PAK3: variants seen among roughly 807,000 people sequenced by gnomAD.
PAK3 encodes p21 (RAC1) activated kinase 3.
Under a neutral mutation model 41.0 loss-of-function variants are expected in PAK3, and 4 were observed. That is an observed-to-expected ratio of 0.10 (90% confidence interval 0.05 to 0.22). The LOEUF (loss-of-function observed/expected upper bound fraction) is 0.22. PAK3 is among the 10% of genes least tolerant of loss of function. The pLI, the probability that PAK3 is intolerant of heterozygous loss-of-function variation, is 1.00. For missense variants in PAK3, 205 were observed against 409.9 expected, an observed-to-expected ratio of 0.50 and a Z score of 4.32; for synonymous variants, 146 against 139.6, an observed-to-expected ratio of 1.05 and a Z score of -0.32.
chrX:111,218,965 G>A (rs749755583), intron 17 of PAK3, among the ~76,000 whole-genome samples: 3 of 109,945 alleles, frequency 2.7e-5, no homozygotes, highest in Admixed American at 9.7e-5. Flanking sequence ...CGAGGCAGGC[G>A]GATCACCTGA....
rs755860930 is a variant in PAK3 at position 111,119,810 on chromosome X, G to T, written c.-27-3267G>T. Among the ~76,000 whole-genome samples the T allele has an allele frequency of 5.3e-5, 6 of 112,231 alleles. No individual in the cohort carries two copies. The South Asian group carries it at 1.1e-3, about 21-fold the overall frequency. ...ACTTTAACCACAAGGATTCCTTGCAGGTCCCTACCCTTTCTCCATTGGTCT... is the reference window on the plus strand; with the variant it reads ...ACTTTAACCACAAGGATTCCTTGCATGTCCCTACCCTTTCTCCATTGGTCT... On this transcript the variant is annotated intron_variant, in intron 4 of 17. Transcript: ENST00000372007.
chrX:111,030,972 A>G (rs766294531), intron 1 of PAK3, among the ~76,000 whole-genome samples: 1 of 111,678 alleles, frequency 9.0e-6, no homozygotes, highest in Non-Finnish European at 1.9e-5. Flanking sequence ...GCGAACAACT[A>G]ACTCCACAGA....
At chrX:111,149,734 A>T (rs1205588553) in intron 7 of PAK3, among the ~76,000 whole-genome samples, 1 of 111,344 alleles carries the variant, frequency 9.0e-6, no homozygotes, top group Non-Finnish European at 1.9e-5. Flanking sequence ...GGGACCCTGG[A>T]GCTGGCCCAA....
intron 16 of PAK3, among the ~76,000 whole-genome samples, chrX:111,206,755 A>C (rs1388838968): frequency 8.9e-6 from 1 of 111,839 alleles, no homozygotes; most frequent in Non-Finnish European, 1.9e-5. Flanking sequence ...CCAAGTATGG[A>C]ATACAGCGTT....
At chrX:111,165,399 A>G (rs1246338703) in intron 10 of PAK3, among the ~76,000 whole-genome samples, 4 of 111,891 alleles carry the variant, frequency 3.6e-5, no homozygotes, top group Non-Finnish European at 1.9e-5. Context: ...GCTGATTCTA[A>G]TATCCTCATT....
intron 1 of PAK3, among the ~76,000 whole-genome samples, chrX:110,991,094 T>G (rs1270518722): frequency 9.4e-6 from 1 of 106,078 alleles, no homozygotes; most frequent in African/African-American, 3.4e-5. Context: ...ATTGCACCAC[T>G]GCACTCCAGC....
intron 5 of PAK3, among the ~76,000 whole-genome samples, chrX:111,132,572 G>A (rs1254260037): frequency 9.0e-6 from 1 of 111,209 alleles, no homozygotes; most frequent in African/African-American, 3.3e-5. Flanking sequence ...GCCTCCTAAC[G>A]GAATGTTTTA....
chrX:111,017,518 A>G (rs959217210), intron 1 of PAK3, among the ~76,000 whole-genome samples: 1 of 111,920 alleles, frequency 8.9e-6, no homozygotes, highest in African/African-American at 3.2e-5. Flanking sequence ...TTGTAGAAAC[A>G]TACAGCCTAC....
chrX:111,058,476 A>T (rs1179197575), intron 1 of PAK3, among the ~76,000 whole-genome samples: 3 of 111,768 alleles, frequency 2.7e-5, no homozygotes. Flanking sequence ...CCATTTGTAT[A>T]TCTTCATTGA....
At chrX:110,962,823 G>A (rs1302551353) in intron 1 of PAK3, among the ~76,000 whole-genome samples, 1 of 112,764 alleles carries the variant, frequency 8.9e-6, no homozygotes, top group African/African-American at 3.2e-5. Context: ...TAACTAATAA[G>A]CTTAGTATTT....
At chrX:111,072,525 T>C (rs2092753432) in intron 1 of PAK3, among the ~76,000 whole-genome samples, 1 of 112,664 alleles carries the variant, frequency 8.9e-6, no homozygotes, top group African/African-American at 3.2e-5. Flanking sequence ...CTGAAACTTG[T>C]ATCTGATCAC....
At chrX:110,977,227 A>G (rs1247539616) in intron 1 of PAK3, among the ~76,000 whole-genome samples, 1 of 109,782 alleles carries the variant, frequency 9.1e-6, no homozygotes, top group African/African-American at 3.3e-5. Flanking sequence ...TATATATAAG[A>G]TATATATGTA....
intron 1 of PAK3, among the ~76,000 whole-genome samples, chrX:111,050,831 TA>T (rs1313836889): frequency 7.1e-5 from 8 of 112,618 alleles, no homozygotes; most frequent in African/African-American, 2.3e-4. Flanking sequence ...AATAGGTCCC[TA>T]ATGAGGGCAA....
intron 1 of PAK3, among the ~76,000 whole-genome samples, chrX:110,965,137 C>T (rs1267755149): frequency 8.9e-6 from 1 of 112,367 alleles, no homozygotes; most frequent in African/African-American, 3.2e-5. Context: ...AACAAAGGGG[C>T]CAGCCTTGAG....
At chrX:111,142,349 A>G (rs2093883796) in intron 6 of PAK3, among the ~76,000 whole-genome samples, 153 bp downstream of exon 6, 1 of 112,904 alleles carries the variant, frequency 8.9e-6, no homozygotes, top group Non-Finnish European at 1.9e-5. Flanking sequence ...TCATAGATGG[A>G]AATAGAGGAT....
intron 1 of PAK3, among the ~76,000 whole-genome samples, chrX:111,090,422 G>A (rs1258096005): frequency 2.7e-5 from 3 of 111,773 alleles, no homozygotes; most frequent in Non-Finnish European, 3.8e-5. Flanking sequence ...AACTCTTCAA[G>A]ATTGTTTCCA....
intron 1 of PAK3, among the ~76,000 whole-genome samples, chrX:111,028,752 G>C (rs1409409147): frequency 8.9e-6 from 1 of 111,765 alleles, no homozygotes; most frequent in Non-Finnish European, 1.9e-5. Flanking sequence ...AACCACCTGT[G>C]GGGAAGCTAC....
chrX:111,053,700 C>T (rs1238168934), intron 1 of PAK3, among the ~76,000 whole-genome samples: 1 of 110,578 alleles, frequency 9.0e-6, no homozygotes, highest in Non-Finnish European at 1.9e-5. Flanking sequence ...CCATCCAGCC[C>T]GGAGCTCTTT....
rs141847634 is a variant in PAK3, at chrX:111,151,878, A to C, written c.431-532A>C. Among the ~76,000 whole-genome samples, 426 of 112,086 alleles carry C rather than the reference A, an allele frequency of 3.8e-3. 2 individuals are homozygous for C. Among genetic ancestry groups the C allele is most frequent in the African/African-American group, 0.013 (407 of 30,905 alleles). Reference sequence around the variant, plus strand: ...AACCAAACTGGCTATTAAGTGACTAATAGGCTGGTAGTGTAAACAGAGTAG... The same window carrying C: ...AACCAAACTGGCTATTAAGTGACTACTAGGCTGGTAGTGTAAACAGAGTAG... On this transcript the variant is annotated intron_variant, in intron 7 of 17. Transcript: ENST00000372007.
Sources: allele counts gnomAD v4.1 joint callset (sites outside exome capture counted in the v4.1 genomes callset), GRCh38; gene constraint gnomAD v4.1.1; transcripts MANE v1.5; gene names NCBI Gene and HGNC (gene_info 2026-07-23, HGNC 2026-07-21).